ZNF836: variants seen among roughly 807,000 people sequenced by gnomAD.
The protein encoded by ZNF836 is zinc finger protein 836.
Under a neutral mutation model 7.4 loss-of-function variants are expected in ZNF836, and 12 were observed. That is an observed-to-expected ratio of 1.61 (90% CI 1.03 to 2.61). The LOEUF (loss-of-function observed/expected upper bound fraction) is 2.61, where lower values mean the gene tolerates loss of function less well. Ranked by LOEUF, ZNF836 falls within the 30% of genes most tolerant of loss-of-function variation. The pLI is 0.00. For missense variants in ZNF836, 998 were observed against 1,126.2 expected, an observed-to-expected ratio of 0.89 and a Z score of 1.63; for synonymous variants, 365 against 382.6, an observed-to-expected ratio of 0.95 and a Z score of 0.54.
At chr19:52,157,567 T>A in intron 4 of ZNF836, 27 bp from the exon 5 acceptor site, 1 of 1,453,784 alleles carries the variant, frequency 6.9e-7, no homozygotes, top group Non-Finnish European at 9.0e-7. Context: ...ACATGGGAGT[T>A]TTTTCGTTGG....
At chr19:52,167,973 C>T in intron 3 of ZNF836, 85 bp downstream of exon 3, 1 of 1,024,508 alleles carries the variant, frequency 9.8e-7, no homozygotes, top group Non-Finnish European at 1.5e-6. Context: ...CAGGATGCTT[C>T]AGACTCAGAG....
chr19:52,156,628 T>C lies in ZNF836; in HGVS notation c.1055A>G (p.His352Arg), dbSNP rs1206939812. The C allele has an allele frequency of 1.1e-5, 17 of 1,613,452 alleles. No individual in the cohort carries two copies. The highest frequency in any genetic ancestry group is 1.4e-5 in the Non-Finnish European group (17 of 1,179,576). Residue 352 changes from histidine (H) to arginine (R), a missense_variant, in exon 5 of 5, where the codon CAT becomes CGT. Coordinates refer to ENST00000682614, the MANE Select transcript of ZNF836 (RefSeq NM_001102657.3). Reference sequence around the variant, plus strand: ...ACATTGATATGGTTTCTCTCCTGTATGGATTATCTGATGTGTAGTGAGGCA... The same window carrying C: ...ACATTGATATGGTTTCTCTCCTGTACGGATTATCTGATGTGTAGTGAGGCA... Reference protein sequence around the residue: ...GSCLTTHQIIHTGEKPYQCDI... With the variant: ...GSCLTTHQIIRTGEKPYQCDI...
rs373736034 is a variant in ZNF836 at position 52,155,152 on chromosome 19, A to G, written c.2531T>C (p.Ile844Thr). ...YKCNECGKAF[I>T]ERSKLVYHQR... ...ATGGTACACCAGCTTTGACCTTTCA[A>G]TAAAAGCTTTACCACATTCATTACA... Residue 844 changes from isoleucine to threonine, a missense_variant, in exon 5 of 5, where the codon ATT becomes ACT. By Grantham distance (89) the Ile-to-Thr change is moderately conservative. Transcript: ENST00000682614. The G allele has an allele frequency of 2.6e-5, 42 of 1,613,620 alleles. No individual in the cohort carries two copies. The highest frequency in any genetic ancestry group is 3.5e-5 in the Non-Finnish European group (41 of 1,179,910).
In ZNF836 at chr19:52,164,307, T is replaced by C. The variant is rs533481716; in HGVS notation, c.16-3716A>G. Among the ~76,000 whole-genome samples, 4 of 150,934 alleles carry C rather than the reference T, an allele frequency of 2.7e-5. No individual in the cohort carries two copies. The South Asian group carries it at 8.4e-4, about 32-fold the overall frequency. ...ACTCAGGAGGTTAAGGTAGGAGAAT[T>C]GCTTGAACCCAGGAGGCAGAGGTTG... On this transcript the variant is annotated intron_variant, in intron 3 of 4. Transcript: ENST00000682614.
rs549089563 is a variant in ZNF836, at chr19:52,155,617, G to T, written c.2066C>A (p.Thr689Asn). Residue 689 changes from threonine to asparagine, a missense_variant, in exon 5 of 5, where the codon ACT becomes AAT. By Grantham distance (65) the Thr-to-Asn change is moderately conservative. Transcript: ENST00000682614. Reference sequence around the variant, plus strand: ...ATTACAATTGTAAGGTTTCTCTCCAGTATGAATTATCAGATGTTTAGTGAG... The same window carrying T: ...ATTACAATTGTAAGGTTTCTCTCCATTATGAATTATCAGATGTTTAGTGAG... ...SSLTKHLIIH[T>N]GEKPYNCNEF... The T allele has an allele frequency of 5.3e-4, 853 of 1,614,084 alleles. 15 individuals are homozygous for T. In the South Asian group the frequency reaches 8.9e-3, roughly 17 times the overall value.
chr19:52,163,378 TCTC>T, intron 3 of ZNF836, among the ~76,000 whole-genome samples: 1 of 152,314 alleles, frequency 6.6e-6, no homozygotes, highest in South Asian at 2.1e-4. Context: ...ATTTCTCTCT[TCTC>T]CTGTTTTACT....
intron 4 of ZNF836, 100 bp downstream of exon 4, chr19:52,160,365 G>T: frequency 1.4e-6 from 2 of 1,474,502 alleles, no homozygotes; most frequent in Non-Finnish European, 1.9e-6. Flanking sequence ...CAAGGCTTCA[G>T]TCTCAGTCAA....
At position 52,154,862 on chromosome 19, in the gene ZNF836, T is replaced by A; in HGVS notation, c.*10A>T. The A allele has an allele frequency of 5.3e-6, 8 of 1,500,010 alleles. No homozygotes were observed. Among genetic ancestry groups the A allele is most frequent in the Non-Finnish European group, 7.1e-6 (8 of 1,125,872 alleles). The allele number at this position is 1,500,010 out of a possible 1,614,324, so 92.9% of individuals were successfully genotyped here. A position where few individuals can be genotyped will look rare whatever the true frequency, so the allele number is the denominator to read the frequency against. On this transcript the variant is annotated 3_prime_UTR_variant, in exon 5 of 5. Transcript: ENST00000682614. ...GTGACAAATATACAAGCTATATCAA[T>A]AAGTATGAATTATTTGAACCCAGAA... is the stretch of plus-strand genomic sequence containing the variant.
Position 52,157,241 on chromosome 19 carries a change from G to C in ZNF836, c.442C>G (p.Arg148Gly), listed in dbSNP as rs568406391. The change falls in exon 5 of 5, where the codon CGT (arginine) becomes GGT (glycine). Residue 148 changes from arginine to glycine, a missense_variant. Physicochemically the swap from Arg to Gly is moderately radical, Grantham distance 125. Coordinates refer to ENST00000682614, the MANE Select transcript of ZNF836 (RefSeq NM_001102657.3). ...TGAAATTTCTGCAGTTCAGTCAGACGTGACTGAAAGCTTAATGTAAGCTGA... is the reference window on the plus strand; with the variant it reads ...TGAAATTTCTGCAGTTCAGTCAGACCTGACTGAAAGCTTAATGTAAGCTGA... The part of the protein sequence containing the change: ...ENQLTLSFQS[R>G]LTELQKFQTE... 1 of 1,608,768 alleles carries C rather than the reference G, an allele frequency of 6.2e-7. No homozygotes were observed. Among genetic ancestry groups the C allele is most frequent in the Non-Finnish European group, 8.5e-7 (1 of 1,176,730 alleles).
chr19:52,157,615 G>C, intron 4 of ZNF836, 75 bp from the exon 5 acceptor site: 1 of 1,360,126 alleles, frequency 7.4e-7, no homozygotes, highest in Non-Finnish European at 9.6e-7. Context: ...CTGTTGCCCA[G>C]GCTGGAGTGG....
At chr19:52,164,137 A>T (rs2089238920) in intron 3 of ZNF836, among the ~76,000 whole-genome samples, 1 of 152,050 alleles carries the variant, frequency 6.6e-6, no homozygotes, top group South Asian at 2.1e-4. Context: ...ACGACCTGTA[A>T]TCCCAGCACT....
intron 2 of ZNF836, among the ~76,000 whole-genome samples, chr19:52,168,792 C>A (rs1032388260): frequency 6.6e-6 from 1 of 151,886 alleles, no homozygotes; most frequent in South Asian, 2.1e-4. Flanking sequence ...CAGGTTCAAG[C>A]GATTCTCCTG....
intron 2 of ZNF836, among the ~76,000 whole-genome samples, chr19:52,168,943 C>T (rs900092370): frequency 1.3e-5 from 2 of 152,062 alleles, no homozygotes; most frequent in Non-Finnish European, 2.9e-5. Flanking sequence ...ACAGTTGTTG[C>T]CAGGGGCTGG....
chr19:52,155,637 A>G lies in ZNF836; in HGVS notation c.2046T>C (p.Thr682=). The change falls in exon 5 of 5, where the codon ACT becomes ACC. Residue 682 remains threonine, a synonymous_variant. Coordinates refer to ENST00000682614, the MANE Select transcript of ZNF836 (RefSeq NM_001102657.3). ...CTCCAGTATGAATTATCAGATGTTT[A>G]GTGAGGCTTGAACGCTGAGTATAGG... ...GKAYTQRSSL[T]KHLIIHTGEK... The G allele has an allele frequency of 6.2e-7, 1 of 1,614,018 alleles. No individual in the cohort carries two copies. The highest frequency in any genetic ancestry group is 8.5e-7 in the Non-Finnish European group (1 of 1,180,000).
Position 52,156,878 on chromosome 19 carries a change from T to C in ZNF836, c.805A>G (p.Thr269Ala), listed in dbSNP as rs752230136. Reference sequence around the variant, plus strand: ...CCACATTGATATGGCTTCCCCCTTGTATGGACTATCTGATGTATAGTTAGT... The same window carrying C: ...CCACATTGATATGGCTTCCCCCTTGCATGGACTATCTGATGTATAGTTAGT... Reference protein sequence around the residue: ...SLLTIHQIVHTRGKPYQCGVC... With the variant: ...SLLTIHQIVHARGKPYQCGVC... The change falls in exon 5 of 5, where the codon ACA becomes GCA. Residue 269 changes from threonine to alanine, a missense_variant. Transcript: ENST00000682614. The C allele has an allele frequency of 1.2e-6, 2 of 1,614,216 alleles. No individual in the cohort carries two copies. The highest frequency in any genetic ancestry group is 1.7e-6 in the Non-Finnish European group (2 of 1,180,038).
At chr19:52,162,701 T>A (rs1487761868) in intron 3 of ZNF836, among the ~76,000 whole-genome samples, 1 of 152,118 alleles carries the variant, frequency 6.6e-6, no homozygotes, top group Non-Finnish European at 1.5e-5. Flanking sequence ...AGTCGGCCGT[T>A]TGGATCACAG....
At chr19:52,163,646 C>T (rs970774034) in intron 3 of ZNF836, among the ~76,000 whole-genome samples, 9 of 152,118 alleles carry the variant, frequency 5.9e-5, no homozygotes, top group African/African-American at 2.2e-4. Context: ...GAGACACAAC[C>T]AAAGCCTATC....
rs764315200 is a variant in ZNF836 at position 52,156,053 on chromosome 19, G to A, written c.1630C>T (p.His544Tyr). The change falls in exon 5 of 5, where the codon CAT (histidine) becomes TAT (tyrosine). Residue 544 changes from histidine (H) to tyrosine (Y), a missense_variant. By Grantham distance (83) the His-to-Tyr change is moderately conservative. Transcript: ENST00000682614. ...VFSENSCLVR[H>Y]LRIHTGEQPY... ...TGCTCCCCAGTATGAATTCTTAAATGTCTTACAAGGCATGAATTTTCACTA... is the reference window on the plus strand; with the variant it reads ...TGCTCCCCAGTATGAATTCTTAAATATCTTACAAGGCATGAATTTTCACTA... 110 of 1,613,896 alleles carry A rather than the reference G, an allele frequency of 6.8e-5. No individual in the cohort carries two copies. Among genetic ancestry groups the A allele is most frequent in the Non-Finnish European group, 8.6e-5 (102 of 1,179,920 alleles).
Position 52,156,823 on chromosome 19 carries a change from G to C in ZNF836, c.860C>G (p.Ser287Ter). ...ACTTCTCCGGTGATTTACAAGATCT[G>C]AATTTTGTCTGAAGATCTTGCCACA... ...GVCGKIFRQN[S>*]DLVNHRRSHT... The change falls in exon 5 of 5, where the codon TCA becomes TGA. Residue 287 changes from serine to a stop codon, truncating the protein, a stop_gained. Coordinates refer to ENST00000682614, the MANE Select transcript of ZNF836 (RefSeq NM_001102657.3). LOFTEE classifies it low-confidence loss of function (END_TRUNC). 1 of 1,614,188 alleles carries C rather than the reference G, an allele frequency of 6.2e-7. No homozygotes were observed. The highest frequency in any genetic ancestry group is 8.5e-7 in the Non-Finnish European group (1 of 1,180,022).
Sources: gnomAD v4.1 joint callset for allele counts (sites outside exome capture counted in the v4.1 genomes callset) on GRCh38, gnomAD v4.1.1 for gene constraint, MANE v1.5 for transcripts, NCBI Gene and HGNC (gene_info 2026-07-23, HGNC 2026-07-21) for gene names.